The following RBFOX1 variants were observed in gnomAD, a reference collection of about 807,000 sequenced individuals.
RBFOX1 encodes RNA binding fox-1 homolog 1.
A neutral mutation model predicts 57.7 loss-of-function variants in RBFOX1; 8 were observed. The observed-to-expected ratio is 0.14, with a 90% CI of 0.08 to 0.25. The LOEUF (loss-of-function observed/expected upper bound fraction) is 0.25. Among genes scored for constraint, RBFOX1 ranks in the 10% least tolerant of loss-of-function variants. The probability of loss-of-function intolerance (pLI) is 1.00; values close to 1 mark genes in which losing one functional copy is unlikely to be tolerated. For synonymous variants in RBFOX1, 326 were observed against 222.4 expected (o/e 1.47, Z -4.15); for missense variants, 611 against 548.5 (o/e 1.11, Z -1.14).
intron 2 of RBFOX1, among the ~76,000 whole-genome samples, chr16:6,317,360 C>G (rs576926472): frequency 6.6e-6 from 1 of 151,768 alleles, no homozygotes; most frequent in Non-Finnish European, 1.5e-5. Context: ...TTTTTTCTCC[C>G]CCTAAGGTTT....
At chr16:7,499,087 A>T (rs1404633699) in intron 4 of RBFOX1, among the ~76,000 whole-genome samples, 1 of 152,198 alleles carries the variant, frequency 6.6e-6, no homozygotes, top group African/African-American at 2.4e-5. Flanking sequence ...ACAAAGAACC[A>T]CAAACTGGGT....
intron 12 of RBFOX1, among the ~76,000 whole-genome samples, chr16:7,655,369 T>C (rs978739115): frequency 6.6e-6 from 1 of 152,218 alleles, no homozygotes; most frequent in Non-Finnish European, 1.5e-5. Context: ...AAGAGCTCTC[T>C]CTATGCATAC....
Position 7,155,841 on chromosome 16 carries a change from A to G in RBFOX1, c.27+103743A>G, listed in dbSNP as rs979572097. Among the ~76,000 whole-genome samples the G allele has an allele frequency of 7.3e-5, 11 of 151,350 alleles. No homozygotes were observed. The East Asian group carries it at 1.2e-3, about 16-fold the overall frequency. ...TGTAAATGTGCTCTATATAATACCT[A>G]TATATGTGATGAACCATATGTAGTG... On this transcript the variant is annotated intron_variant, in intron 4 of 15. Coordinates refer to ENST00000550418, the MANE Select transcript of RBFOX1 (RefSeq NM_018723.4).
At chr16:6,734,873 T>C (rs2069692224) in intron 3 of RBFOX1, among the ~76,000 whole-genome samples, 1 of 152,352 alleles carries the variant, frequency 6.6e-6, no homozygotes, top group Admixed American at 6.5e-5. Flanking sequence ...TCAATAGTTC[T>C]TGACGCCTAG....
intron 3 of RBFOX1, among the ~76,000 whole-genome samples, chr16:6,874,987 T>A (rs890557684): frequency 6.6e-6 from 1 of 152,192 alleles, no homozygotes; most frequent in Non-Finnish European, 1.5e-5. Flanking sequence ...ATGTTACTAA[T>A]CTTAAAAATG....
intron 5 of RBFOX1, among the ~76,000 whole-genome samples, chr16:7,572,970 T>A (rs12930696): frequency 0.26 from 39,134 of 152,070 alleles, 5,967 homozygotes; most frequent in Non-Finnish European, 0.34. Flanking sequence ...CTCCTCGAGT[T>A]ACATCCTGGT....
At position 6,961,218 on chromosome 16, in the gene RBFOX1, G is replaced by A. The variant is rs2082936378; in HGVS notation, c.-15-90839G>A. Among the ~76,000 whole-genome samples, 3 of 150,702 alleles carry A rather than the reference G, an allele frequency of 2.0e-5. No homozygotes were observed. The South Asian group carries it at 6.3e-4, about 31-fold the overall frequency. ...GATTAAATGCATGGGATAGTAAGCTGATAGGATGTCCCTGAGCTGCTGATG... is the reference window on the plus strand; with the variant it reads ...GATTAAATGCATGGGATAGTAAGCTAATAGGATGTCCCTGAGCTGCTGATG... On this transcript the variant is annotated intron_variant, in intron 3 of 15. Coordinates refer to ENST00000550418, the MANE Select transcript of RBFOX1 (RefSeq NM_018723.4).
chr16:5,955,750 A>G (rs2059625464), intron 4 of RBFOX1, among the ~76,000 whole-genome samples: 1 of 152,230 alleles, frequency 6.6e-6, no homozygotes. Flanking sequence ...CAAAATGGAA[A>G]TATTAGTATC....
At chr16:7,630,472 T>G in intron 10 of RBFOX1, 131 bp from the exon 11 acceptor site, 2 of 1,518,424 alleles carry the variant, frequency 1.3e-6, no homozygotes, top group Non-Finnish European at 1.8e-6. Flanking sequence ...CTTTGTTGGG[T>G]ACCCTTGTCC....
chr16:7,518,655 C>G (rs2076900366), intron 5 of RBFOX1, among the ~76,000 whole-genome samples: 1 of 152,054 alleles, frequency 6.6e-6, no homozygotes, highest in African/African-American at 2.4e-5. Context: ...ATAGTTTTGC[C>G]TTTCTAGAAT....
At chr16:7,467,550 G>A (rs149544663) in intron 4 of RBFOX1, among the ~76,000 whole-genome samples, 38 of 152,302 alleles carry the variant, frequency 2.5e-4, no homozygotes, top group African/African-American at 8.4e-4. Flanking sequence ...TGAAATAAAC[G>A]TGGGTTCAAA....
intron 4 of RBFOX1, among the ~76,000 whole-genome samples, chr16:7,505,495 G>C (rs940732296): frequency 2.6e-5 from 4 of 152,168 alleles, no homozygotes; most frequent in Admixed American, 6.5e-5. Context: ...TTTCCCTTTG[G>C]AATTATCACC....
chr16:6,738,192 T>C (rs1167363583), intron 3 of RBFOX1, among the ~76,000 whole-genome samples: 1 of 152,138 alleles, frequency 6.6e-6, no homozygotes, highest in East Asian at 1.9e-4. Flanking sequence ...GGAACAATGG[T>C]TTGCATAACA....
At chr16:7,700,398 C>T (rs567615524) in intron 14 of RBFOX1, among the ~76,000 whole-genome samples, 1 of 152,124 alleles carries the variant, frequency 6.6e-6, no homozygotes, top group African/African-American at 2.4e-5. Flanking sequence ...TTTGAGATAG[C>T]TTAGCAAGAA....
At chr16:6,373,731 G>A (rs922971781) in intron 2 of RBFOX1, among the ~76,000 whole-genome samples, 2 of 152,146 alleles carry the variant, frequency 1.3e-5, no homozygotes, top group African/African-American at 4.8e-5. Context: ...GATGAGAGGA[G>A]TTGTTAAGTG....
chr16:5,790,510 G>GAA (rs60645917), intron 3 of RBFOX1, among the ~76,000 whole-genome samples: 44,572 of 142,614 alleles, frequency 0.31, 7,219 homozygotes, highest in East Asian at 0.54. Flanking sequence ...ACAATATGCT[G>GAA]AAAAAAAAAA....
intron 4 of RBFOX1, among the ~76,000 whole-genome samples, chr16:7,188,717 C>G (rs1383984368): frequency 1.3e-5 from 2 of 152,148 alleles, no homozygotes; most frequent in Admixed American, 1.3e-4. Flanking sequence ...TTCATTTCTA[C>G]CATATATTTG....
chr16:7,565,533 C>A (rs1159110604), intron 5 of RBFOX1, among the ~76,000 whole-genome samples: 1 of 152,172 alleles, frequency 6.6e-6, no homozygotes, highest in African/African-American at 2.4e-5. Context: ...TGTAAATTCA[C>A]TCGGCGCCCA....
chr16:6,616,709 G>A (rs1470213448), intron 2 of RBFOX1, among the ~76,000 whole-genome samples: 7 of 152,168 alleles, frequency 4.6e-5, no homozygotes, highest in Non-Finnish European at 1.0e-4. Flanking sequence ...TTCTGGGATT[G>A]CAGGCATGAG....
Sources: allele counts gnomAD v4.1 joint callset (sites outside exome capture counted in the v4.1 genomes callset), GRCh38; gene constraint gnomAD v4.1.1; transcripts MANE v1.5; gene names NCBI Gene and HGNC (gene_info 2026-07-23, HGNC 2026-07-21).